TANGO6: variants seen among roughly 807,000 people sequenced by gnomAD.
TANGO6 encodes the protein transport and Golgi organization protein 6 homolog.
TANGO6 carries 90 observed loss-of-function variants against 114.2 expected under a neutral mutation model. The observed-to-expected ratio is 0.79, with a 90% CI of 0.66 to 0.94. The LOEUF is 0.94. TANGO6 is among the 40% of genes least tolerant of loss of function. The pLI is 0.00. For missense variants in TANGO6, 1,274 were observed against 1,315.3 expected (o/e 0.97, Z 0.49); for synonymous variants, 477 against 509.8 (o/e 0.94, Z 0.87).
intron 6 of TANGO6, 67 bp from the exon 7 acceptor site, chr16:68,880,481 C>T: frequency 8.5e-7 from 1 of 1,179,458 alleles, no homozygotes; most frequent in Non-Finnish European, 1.2e-6. Flanking sequence ...AGCTTCCTTC[C>T]TTAGCTTTAG....
At chr16:69,014,091 C>A (rs1472742860) in intron 15 of TANGO6, among the ~76,000 whole-genome samples, 3 of 152,158 alleles carry the variant, frequency 2.0e-5, no homozygotes, top group Non-Finnish European at 4.4e-5. Flanking sequence ...ATGCTTTTGG[C>A]TGCAAGTAAC....
At chr16:68,846,312 G>A (rs544466156) in intron 1 of TANGO6, among the ~76,000 whole-genome samples, 19 of 152,086 alleles carry the variant, frequency 1.2e-4, no homozygotes, top group South Asian at 1.2e-3. Flanking sequence ...GATTACAGGC[G>A]CGAGCCACCA....
chr16:69,046,000 G>T (rs1230498609), intron 17 of TANGO6, among the ~76,000 whole-genome samples: 1 of 143,580 alleles, frequency 7.0e-6, no homozygotes, highest in African/African-American at 2.5e-5. Flanking sequence ...AGAGGCAGAG[G>T]TTACAGTGAG....
intron 17 of TANGO6, among the ~76,000 whole-genome samples, chr16:69,078,177 G>T (rs898886021): frequency 1.3e-5 from 2 of 152,194 alleles, no homozygotes; most frequent in Non-Finnish European, 2.9e-5. Context: ...CTTTGTTCAG[G>T]CAAGAAAAGA....
At chr16:69,072,121 C>G (rs1311257458) in intron 17 of TANGO6, among the ~76,000 whole-genome samples, 5 of 66,636 alleles carry the variant, frequency 7.5e-5, no homozygotes, top group African/African-American at 2.0e-4. Context: ...GAGAGGGAGA[C>G]CGTGTGTGTG....
chr16:69,027,301 T>C (rs576006948), intron 16 of TANGO6, among the ~76,000 whole-genome samples: 1 of 152,354 alleles, frequency 6.6e-6, no homozygotes, highest in East Asian at 1.9e-4. Flanking sequence ...TATTTGGTTA[T>C]AAGGGCTACT....
chr16:68,854,865 T>C (rs902651437), intron 1 of TANGO6, among the ~76,000 whole-genome samples: 2 of 152,132 alleles, frequency 1.3e-5, no homozygotes, highest in Non-Finnish European at 2.9e-5. Context: ...TTCTCTAACA[T>C]TGTTCTTGAC....
chr16:68,893,672 G>T (rs1962662599), intron 7 of TANGO6, among the ~76,000 whole-genome samples: 1 of 143,810 alleles, frequency 7.0e-6, no homozygotes, highest in African/African-American at 2.7e-5. Flanking sequence ...AGAGGCGGAG[G>T]TTGCAGTGAG....
At chr16:69,000,748 C>T (rs1288860026) in intron 15 of TANGO6, among the ~76,000 whole-genome samples, 2 of 152,152 alleles carry the variant, frequency 1.3e-5, no homozygotes, top group African/African-American at 2.4e-5. Flanking sequence ...CATGCCACCA[C>T]ACCTGGCTAC....
At position 68,974,147 on chromosome 16, in the gene TANGO6, A is replaced by T; in HGVS notation, c.2821A>T (p.Met941Leu). 1 of 1,613,962 alleles carries T rather than the reference A, an allele frequency of 6.2e-7. No homozygotes were observed. The highest frequency in any genetic ancestry group is 8.5e-7 in the Non-Finnish European group (1 of 1,179,874). ...ETRMKVGEVL[M>L]RIVRALGDMV... ...CAGAATGAAAGTCGGGGAAGTCCTT[A>T]TGCGAATCGTCAGGGCATTAGGTGA... The change falls in exon 15 of 18, where the codon ATG (methionine) becomes TTG (leucine). Residue 941 changes from methionine (M) to leucine (L), a missense_variant. By Grantham distance (15) the Met-to-Leu change is conservative. This residue lies in a region of TANGO6 where 238 missense variants were observed against 252.9 expected (regional missense o/e 0.94). Transcript: ENST00000261778.
chr16:68,863,572 T>G (rs1268982286), intron 3 of TANGO6, among the ~76,000 whole-genome samples: 1 of 152,066 alleles, frequency 6.6e-6, no homozygotes. Context: ...ATCATGCCAT[T>G]GCACTCCAGT....
At chr16:68,874,826 T>C (rs369744198) in intron 4 of TANGO6, among the ~76,000 whole-genome samples, 1 of 152,094 alleles carries the variant, frequency 6.6e-6, no homozygotes, top group East Asian at 1.9e-4. Context: ...GGTGTATTCC[T>C]GTAATCCCAG....
intron 17 of TANGO6, among the ~76,000 whole-genome samples, chr16:69,051,200 C>T (rs1214295125): frequency 2.0e-5 from 3 of 152,094 alleles, no homozygotes; most frequent in Non-Finnish European, 4.4e-5. Flanking sequence ...TCCTATTCCC[C>T]ATCAGCAACC....
chr16:68,893,550 C>A (rs576044323), intron 7 of TANGO6, among the ~76,000 whole-genome samples: 15 of 151,804 alleles, frequency 9.9e-5, no homozygotes, highest in African/African-American at 3.4e-4. Context: ...CCAGCCTGGC[C>A]AACATGGTGA....
At chr16:68,924,284 A>G (rs992095372) in intron 12 of TANGO6, among the ~76,000 whole-genome samples, 1 of 152,208 alleles carries the variant, frequency 6.6e-6, no homozygotes, top group Non-Finnish European at 1.5e-5. Flanking sequence ...AGCTTTGGCC[A>G]GGTGCCAGTG....
At chr16:68,893,403 C>G (rs1962656203) in intron 7 of TANGO6, among the ~76,000 whole-genome samples, 1 of 152,108 alleles carries the variant, frequency 6.6e-6, no homozygotes, top group Non-Finnish European at 1.5e-5. Context: ...AGGGAACTTT[C>G]AGTGATATGC....
At chr16:68,890,255 A>G (rs1414009901) in intron 7 of TANGO6, among the ~76,000 whole-genome samples, 1 of 152,250 alleles carries the variant, frequency 6.6e-6, no homozygotes, top group Non-Finnish European at 1.5e-5. Context: ...TCCATTCACA[A>G]TAGCATCAAA....
intron 15 of TANGO6, among the ~76,000 whole-genome samples, chr16:68,980,206 AT>A (rs1963811282): frequency 6.6e-6 from 1 of 151,482 alleles, no homozygotes; most frequent in Non-Finnish European, 1.5e-5. Context: ...TGACATTTAT[AT>A]CATAAATATT....
At chr16:69,074,162 T>C (rs1488421364) in intron 17 of TANGO6, among the ~76,000 whole-genome samples, 4 of 152,108 alleles carry the variant, frequency 2.6e-5, no homozygotes, top group Admixed American at 2.6e-4. Flanking sequence ...GAGGGTTGTT[T>C]GCAGGCTGAC....
Sources: gnomAD v4.1 joint callset for allele counts (sites outside exome capture counted in the v4.1 genomes callset) on GRCh38, gnomAD v4.1.1 for gene constraint, gnomAD v4.1.1 regional missense constraint, MANE v1.5 for transcripts, NCBI Gene and HGNC (gene_info 2026-07-23, HGNC 2026-07-21) for gene names.